Variants in TRAPPC9 observed in about 807,000 individuals in gnomAD.
TRAPPC9 encodes trafficking protein particle complex subunit 9.
In TRAPPC9, 83 loss-of-function variants were observed where a neutral mutation model predicts 124.0. The ratio of observed to expected loss-of-function variants is 0.67; its 90% CI spans 0.56 to 0.80. The LOEUF (loss-of-function observed/expected upper bound fraction) is 0.80. Ranked by LOEUF, TRAPPC9 falls within the 30% of genes least tolerant of loss-of-function variation. TRAPPC9 has a pLI of 0.00. For missense variants in TRAPPC9, 1,302 were observed against 1,508.3 expected (o/e 0.86, Z 2.27); for synonymous variants, 638 against 617.5 (o/e 1.03, Z -0.49).
chr8:139,735,476 G>T (rs1297492502), intron 21 of TRAPPC9, among the ~76,000 whole-genome samples: 1 of 152,164 alleles, frequency 6.6e-6, no homozygotes, highest in Non-Finnish European at 1.5e-5. Context: ...TGCCACCCAA[G>T]CCAGGCCTCA....
At chr8:139,887,363 G>A (rs1352353843) in intron 20 of TRAPPC9, among the ~76,000 whole-genome samples, 1 of 151,930 alleles carries the variant, frequency 6.6e-6, no homozygotes, top group Non-Finnish European at 1.5e-5. Context: ...TGGGATTACA[G>A]GCACCCGCCA....
At chr8:139,892,553 T>C (rs1196641334) in intron 20 of TRAPPC9, among the ~76,000 whole-genome samples, 1 of 152,202 alleles carries the variant, frequency 6.6e-6, no homozygotes, top group East Asian at 1.9e-4. Flanking sequence ...ATTACGATGA[T>C]GACGTCTGCC....
chr8:140,345,738 C>CACTCGG (rs2067329613), intron 9 of TRAPPC9, among the ~76,000 whole-genome samples: 1 of 152,214 alleles, frequency 6.6e-6, no homozygotes, highest in African/African-American at 2.4e-5. Context: ...GTTAAGGGAA[C>CACTCGG]ACTCGGGGAG....
intron 19 of TRAPPC9, among the ~76,000 whole-genome samples, chr8:139,974,837 T>G (rs973088670): frequency 6.6e-6 from 1 of 151,988 alleles, no homozygotes; most frequent in Admixed American, 6.6e-5. Context: ...GGTCTTCCAC[T>G]CCGCCCGGCA....
intron 17 of TRAPPC9, among the ~76,000 whole-genome samples, chr8:140,105,776 T>G (rs920861185): frequency 2.6e-5 from 4 of 152,076 alleles, no homozygotes; most frequent in Non-Finnish European, 5.9e-5. Flanking sequence ...TAACTCACCC[T>G]GTGGGGGGAG....
chr8:140,450,285 C>T (rs555856868), intron 2 of TRAPPC9, among the ~76,000 whole-genome samples: 28 of 152,184 alleles, frequency 1.8e-4, no homozygotes, highest in South Asian at 6.2e-4. Context: ...CACTTGAACC[C>T]GGGAGGTGCA....
At chr8:139,766,672 A>G (rs1239788022) in intron 21 of TRAPPC9, among the ~76,000 whole-genome samples, 1 of 152,076 alleles carries the variant, frequency 6.6e-6, no homozygotes. Context: ...CAGCCCTTCC[A>G]TGCAAGGTGC....
intron 21 of TRAPPC9, among the ~76,000 whole-genome samples, chr8:139,802,054 T>G (rs1167416309): frequency 6.6e-6 from 1 of 152,192 alleles, no homozygotes; most frequent in Non-Finnish European, 1.5e-5. Flanking sequence ...GAGCTTGATT[T>G]TCTAGCTCTG....
At chr8:139,941,830 C>T (rs939188841) in intron 19 of TRAPPC9, among the ~76,000 whole-genome samples, 31 of 152,312 alleles carry the variant, frequency 2.0e-4, no homozygotes, top group African/African-American at 6.7e-4. Flanking sequence ...CCCACATGGG[C>T]TCCGGGCATG....
intron 4 of TRAPPC9, among the ~76,000 whole-genome samples, chr8:140,432,700 G>C (rs2070687328): frequency 6.6e-6 from 1 of 151,806 alleles, no homozygotes; most frequent in Non-Finnish European, 1.5e-5. Context: ...GTGAAATCCT[G>C]TCTCTACTAA....
At chr8:140,108,472 T>C (rs535825044) in intron 17 of TRAPPC9, among the ~76,000 whole-genome samples, 27 of 152,358 alleles carry the variant, frequency 1.8e-4, no homozygotes, top group African/African-American at 6.5e-4. Flanking sequence ...AAGCCAAGTG[T>C]CCATTTGACT....
At chr8:140,156,972 A>G (rs151311727) in intron 17 of TRAPPC9, among the ~76,000 whole-genome samples, 2,943 of 108,940 alleles carry the variant, frequency 0.027, 77 homozygotes, top group African/African-American at 0.088. Flanking sequence ...TTTCCATTCA[A>G]AAGCCTCCCT....
At chr8:140,160,563 C>T (rs1422654291) in intron 17 of TRAPPC9, among the ~76,000 whole-genome samples, 2 of 149,328 alleles carry the variant, frequency 1.3e-5, no homozygotes, top group Non-Finnish European at 3.0e-5. Flanking sequence ...CCAAACACCG[C>T]ATGTTCTCAC....
At chr8:139,934,465 T>A (rs1478265518) in intron 19 of TRAPPC9, among the ~76,000 whole-genome samples, 1 of 152,242 alleles carries the variant, frequency 6.6e-6, no homozygotes, top group African/African-American at 2.4e-5. Context: ...GAAACTTCAT[T>A]CTTCCAATCT....
At chr8:140,444,017 C>G (rs1445688442) in intron 2 of TRAPPC9, among the ~76,000 whole-genome samples, 2 of 114,588 alleles carry the variant, frequency 1.7e-5, no homozygotes, top group African/African-American at 7.0e-5. Context: ...GCCTGGGCGA[C>G]AGAGCTAGAC....
At chr8:139,778,514 A>G (rs1480346660) in intron 21 of TRAPPC9, among the ~76,000 whole-genome samples, 1 of 152,232 alleles carries the variant, frequency 6.6e-6, no homozygotes, top group Admixed American at 6.5e-5. Flanking sequence ...TAGAATTAGC[A>G]GTGAGGACAT....
intron 21 of TRAPPC9, among the ~76,000 whole-genome samples, chr8:139,811,546 A>G (rs1352035568): frequency 6.6e-6 from 1 of 152,260 alleles, no homozygotes; most frequent in East Asian, 1.9e-4. Context: ...GACTGAAGAG[A>G]AGATATCAAA....
At chr8:139,816,891 C>T (rs566495907) in intron 21 of TRAPPC9, among the ~76,000 whole-genome samples, 3 of 152,206 alleles carry the variant, frequency 2.0e-5, no homozygotes, top group African/African-American at 7.2e-5. Context: ...CAGGCACAGT[C>T]TCAGCTTCAT....
intron 17 of TRAPPC9, among the ~76,000 whole-genome samples, chr8:140,140,263 G>C (rs1203266166): frequency 1.3e-5 from 2 of 152,132 alleles, no homozygotes; most frequent in East Asian, 1.9e-4. Flanking sequence ...CAGCCCTTTG[G>C]CTTCCTTAAA....
Sources: gnomAD v4.1 joint callset for allele counts (sites outside exome capture counted in the v4.1 genomes callset) on GRCh38, gnomAD v4.1.1 for gene constraint, MANE v1.5 for transcripts, NCBI Gene and HGNC (gene_info 2026-07-23, HGNC 2026-07-21) for gene names.